Variants in CDC73 observed in about 807,000 individuals in gnomAD.
CDC73 encodes parafibromin.
CDC73 carries 21 observed loss-of-function variants against 83.7 expected under a neutral mutation model. That is an observed-to-expected ratio of 0.25 (90% CI 0.18 to 0.36). CDC73 has a LOEUF of 0.36. Ranked by LOEUF, CDC73 falls within the 10% of genes least tolerant of loss-of-function variation. The pLI is 1.00. For missense variants in CDC73, 342 were observed against 653.3 expected (o/e 0.52, Z 5.19); for synonymous variants, 224 against 212.9 (o/e 1.05, Z -0.45).
intron 10 of CDC73, among the ~76,000 whole-genome samples, chr1:193,170,200 G>A (rs1039220780): frequency 6.6e-5 from 10 of 152,192 alleles, no homozygotes; most frequent in South Asian, 2.1e-4. Flanking sequence ...TATCATTGAT[G>A]GGTATTTAGG....
chr1:193,213,606 A>G (rs190922855), intron 13 of CDC73, among the ~76,000 whole-genome samples: 1 of 152,192 alleles, frequency 6.6e-6, no homozygotes, highest in East Asian at 1.9e-4. Context: ...CTGCTTTAAT[A>G]TTTTCGTAGT....
chr1:193,253,438 C>T lies in CDC73; in HGVS notation c.*2726C>T, dbSNP rs1678076090. ...TTGTTGTTGTTGTTTTGTGGCCACC[C>T]TTTGCACTAGACCATCCCTTTTATT... is the stretch of plus-strand genomic sequence containing the variant. On this transcript the variant is annotated 3_prime_UTR_variant, in exon 17 of 17. Coordinates refer to ENST00000367435, the MANE Select transcript of CDC73 (RefSeq NM_024529.5). 4.3e-6 allele frequency: 1 copy of T among 232,222 alleles called. No homozygotes were observed. Among genetic ancestry groups the T allele is most frequent in the African/African-American group, 2.2e-5 (1 of 45,244 alleles). 14.4% of individuals were successfully genotyped at this position (232,222 alleles called of 1,614,324 possible).
intron 3 of CDC73, among the ~76,000 whole-genome samples, chr1:193,130,989 T>C (rs548256461): frequency 1.3e-5 from 2 of 152,202 alleles, no homozygotes; most frequent in Non-Finnish European, 2.9e-5. Flanking sequence ...TCTTTTTTTT[T>C]ATCTTTTCTT....
chr1:193,145,954 C>T (rs1454391715), intron 7 of CDC73, among the ~76,000 whole-genome samples: 13 of 152,166 alleles, frequency 8.5e-5, no homozygotes, highest in African/African-American at 4.8e-5. Flanking sequence ...GTAATTATTA[C>T]GTACATTATA....
intron 10 of CDC73, among the ~76,000 whole-genome samples, chr1:193,171,242 T>C (rs1265245128): frequency 6.6e-6 from 1 of 152,232 alleles, no homozygotes; most frequent in Non-Finnish European, 1.5e-5. Context: ...ATACCTCTGT[T>C]CATTTTCTAT....
intron 10 of CDC73, chr1:193,180,314 G>A (rs947842680): frequency 2.5e-6 from 4 of 1,579,748 alleles, no homozygotes; most frequent in South Asian, 1.2e-5. Flanking sequence ...TTACGGTGGC[G>A]ATACCTGCCT....
At chr1:193,227,456 C>A (rs1677584530) in intron 13 of CDC73, among the ~76,000 whole-genome samples, 1 of 151,402 alleles carries the variant, frequency 6.6e-6, no homozygotes, top group East Asian at 1.9e-4. Context: ...CTAGGCACTA[C>A]AGCAAGACCT....
At chr1:193,187,102 T>TTCCCCCCCC (rs1553285108) in intron 10 of CDC73, among the ~76,000 whole-genome samples, 1 of 32,876 alleles carries the variant, frequency 3.0e-5, no homozygotes, top group African/African-American at 1.0e-4. Flanking sequence ...GTAATTTAGA[T>TTCCCCCCCC]CCCCCCCCCC....
At chr1:193,149,236 G>A (rs1302293826) in intron 8 of CDC73, among the ~76,000 whole-genome samples, 1 of 152,120 alleles carries the variant, frequency 6.6e-6, no homozygotes, top group African/African-American at 2.4e-5. Context: ...CCAGGGACCA[G>A]TTTCGTAGAA....
At chr1:193,131,281 C>A (rs1675689070) in intron 3 of CDC73, among the ~76,000 whole-genome samples, 1 of 152,188 alleles carries the variant, frequency 6.6e-6, no homozygotes, top group African/African-American at 2.4e-5. Flanking sequence ...GTGAGACGCT[C>A]TTCCTGCAGT....
In CDC73 at chr1:193,212,117, G is replaced by T; in HGVS notation, c.1066+17G>T. ...AGAAGAAAGGTGAGGTTGTGCATAT[G>T]ATTTTAAACTTAACTTTAAAAAGTA... On this transcript the variant is annotated intron_variant, in intron 12 of 16. Coordinates refer to ENST00000367435, the MANE Select transcript of CDC73 (RefSeq NM_024529.5). The T allele has an allele frequency of 6.4e-7, 1 of 1,566,328 alleles. No individual in the cohort carries two copies. Among genetic ancestry groups the T allele is most frequent in the South Asian group, 1.2e-5 (1 of 86,528 alleles).
intron 10 of CDC73, among the ~76,000 whole-genome samples, chr1:193,189,877 C>T (rs1676888594): frequency 6.6e-6 from 1 of 152,182 alleles, no homozygotes; most frequent in East Asian, 1.9e-4. Flanking sequence ...GTTACATCAT[C>T]TGTTTATCTA....
intron 10 of CDC73, among the ~76,000 whole-genome samples, chr1:193,197,473 T>G (rs1677020743): frequency 6.6e-6 from 1 of 152,230 alleles, no homozygotes; most frequent in African/African-American, 2.4e-5. Flanking sequence ...TGCAAGTAAC[T>G]AAATACATAT....
chr1:193,188,073 GTATT>G (rs1428868631), intron 10 of CDC73, among the ~76,000 whole-genome samples: 8 of 152,180 alleles, frequency 5.3e-5, no homozygotes, highest in African/African-American at 4.8e-5. Context: ...TTGTAGATCA[GTATT>G]TATTTATCAG....
intron 15 of CDC73, among the ~76,000 whole-genome samples, chr1:193,246,916 T>A (rs186085634): frequency 7.4e-4 from 112 of 152,282 alleles, no homozygotes; most frequent in Non-Finnish European, 2.6e-4. Flanking sequence ...GTTTCTAGAC[T>A]AATCCATTTT....
Position 193,122,144 on chromosome 1 carries a change from A to T in CDC73, c.-57A>T. On this transcript the variant is annotated 5_prime_UTR_variant, in exon 1 of 17. Transcript: ENST00000367435. ...AGGGCGAGGCGACAAGAGAAGAAGGAGGCAGGCGCGGCGGCAGCGGCGGCG... is the reference window on the plus strand; with the variant it reads ...AGGGCGAGGCGACAAGAGAAGAAGGTGGCAGGCGCGGCGGCAGCGGCGGCG... 1.3e-6 allele frequency: 2 copies of T among 1,558,846 alleles called. No homozygotes were observed. Among genetic ancestry groups the T allele is most frequent in the Non-Finnish European group, 1.8e-6 (2 of 1,131,250 alleles).
intron 13 of CDC73, among the ~76,000 whole-genome samples, chr1:193,213,352 T>G (rs1021771376): frequency 7.9e-6 from 1 of 126,080 alleles, no homozygotes; most frequent in Non-Finnish European, 1.6e-5. Context: ...GTGTTGCAAA[T>G]TTTTTCCTCA....
chr1:193,210,369 A>G (rs1030546507), intron 11 of CDC73, among the ~76,000 whole-genome samples: 2 of 152,218 alleles, frequency 1.3e-5, no homozygotes, highest in Admixed American at 1.3e-4. Flanking sequence ...AAGAACTGAC[A>G]TTGAATTAGA....
chr1:193,165,735 T>G (rs1344320907), intron 10 of CDC73, among the ~76,000 whole-genome samples: 1 of 152,228 alleles, frequency 6.6e-6, no homozygotes, highest in Non-Finnish European at 1.5e-5. Flanking sequence ...GCACATGCAT[T>G]CGTATCTCTC....
Sources: gnomAD v4.1 joint callset for allele counts (sites outside exome capture counted in the v4.1 genomes callset) on GRCh38, gnomAD v4.1.1 for gene constraint, MANE v1.5 for transcripts, NCBI Gene and HGNC (gene_info 2026-07-23, HGNC 2026-07-21) for gene names.